CDYL: variants seen among roughly 807,000 people sequenced by gnomAD.
CDYL encodes the protein chromodomain Y-like protein.
In CDYL, 8 loss-of-function variants were observed where a neutral mutation model predicts 47.3. That is an observed-to-expected ratio of 0.17 (90% CI 0.10 to 0.31). The LOEUF is 0.31. Among genes scored for constraint, CDYL ranks in the 10% least tolerant of loss-of-function variants. The pLI is 1.00. For missense variants in CDYL, 471 were observed against 701.4 expected (o/e 0.67, Z 3.71); for synonymous variants, 266 against 265.0 (o/e 1.00, Z -0.04).
chr6:4,905,932 C>A (rs546754670), intron 2 of CDYL, among the ~76,000 whole-genome samples: 5 of 152,240 alleles, frequency 3.3e-5, no homozygotes, highest in Non-Finnish European at 7.3e-5. Context: ...TAATTTCTTA[C>A]ATAGGACCTT....
chr6:4,737,297 C>A (rs772663728), intron 3 of CDYL, among the ~76,000 whole-genome samples: 3 of 151,962 alleles, frequency 2.0e-5, no homozygotes, highest in Admixed American at 6.6e-5. Context: ...ACTACACACA[C>A]AAAAAAAGAT....
At chr6:4,869,723 A>G (rs949546978) in intron 1 of CDYL, among the ~76,000 whole-genome samples, 17 of 152,258 alleles carry the variant, frequency 1.1e-4, no homozygotes, top group Admixed American at 9.1e-4. Flanking sequence ...TTTACTTTGT[A>G]TCTCTCCATC....
At chr6:4,826,222 T>C (rs184405223) in intron 1 of CDYL, among the ~76,000 whole-genome samples, 1 of 152,348 alleles carries the variant, frequency 6.6e-6, no homozygotes, top group Admixed American at 6.5e-5. Context: ...TCACCTTTAT[T>C]TCTAATTTTA....
At chr6:4,794,383 T>C (rs1171796321) in intron 1 of CDYL, among the ~76,000 whole-genome samples, 1 of 152,092 alleles carries the variant, frequency 6.6e-6, no homozygotes, top group East Asian at 1.9e-4. Context: ...AGCAGCTCTT[T>C]CAGTGGAGTA....
intron 2 of CDYL, among the ~76,000 whole-genome samples, chr6:4,721,122 T>C (rs1438287954): frequency 6.6e-6 from 1 of 152,218 alleles, no homozygotes; most frequent in Non-Finnish European, 1.5e-5. Context: ...TCAATATCTT[T>C]CTATTTCTCA....
At chr6:4,728,240 T>C (rs1757548531) in intron 2 of CDYL, among the ~76,000 whole-genome samples, 1 of 152,258 alleles carries the variant, frequency 6.6e-6, no homozygotes, top group South Asian at 2.1e-4. Flanking sequence ...AGCCGTAGGC[T>C]GATCCACATC....
chr6:4,829,400 C>G (rs1049142623), intron 1 of CDYL, among the ~76,000 whole-genome samples: 12 of 152,128 alleles, frequency 7.9e-5, no homozygotes, highest in Non-Finnish European at 1.5e-4. Context: ...TGGAGCTAAG[C>G]AAACAAAACA....
intron 2 of CDYL, among the ~76,000 whole-genome samples, chr6:4,723,046 A>C (rs1757401543): frequency 6.6e-6 from 1 of 152,228 alleles, no homozygotes; most frequent in Admixed American, 6.5e-5. Flanking sequence ...TATAAAGTAC[A>C]GGCAGCCCTT....
chr6:4,933,717 G>C (rs1356466394), intron 2 of CDYL, among the ~76,000 whole-genome samples: 1 of 152,220 alleles, frequency 6.6e-6, no homozygotes, highest in Non-Finnish European at 1.5e-5. Context: ...CACCTTTGCT[G>C]ACTGGTAACA....
At position 4,803,004 on chromosome 6, in the gene CDYL, A is replaced by G. The variant is rs368132217; in HGVS notation, c.24+26197A>G. Among the ~76,000 whole-genome samples, 93 of 151,892 alleles carry G rather than the reference A, an allele frequency of 6.1e-4. 1 individual carries two copies. Among genetic ancestry groups the G allele is most frequent in the African/African-American group, 2.2e-3 (90 of 41,414 alleles). On this transcript the variant is annotated intron_variant, in intron 1 of 6. Coordinates refer to ENST00000397588, the MANE Select transcript of CDYL (RefSeq NM_004824.4). Reference sequence around the variant, plus strand: ...CTTTCCATTGCGTCCCCCACCCCACACTATCCCTTTCCTGCTCCATTGCTG... The same window carrying G: ...CTTTCCATTGCGTCCCCCACCCCACGCTATCCCTTTCCTGCTCCATTGCTG...
chr6:4,709,161 T>G (rs1169226802), intron 1 of CDYL, among the ~76,000 whole-genome samples: 2 of 152,162 alleles, frequency 1.3e-5, no homozygotes, highest in Non-Finnish European at 2.9e-5. Flanking sequence ...TAAGGCTGTT[T>G]GTCACTATGC....
rs368265442 is a variant in CDYL at position 4,807,039 on chromosome 6, C to T, written c.24+30232C>T. Among the ~76,000 whole-genome samples, 129 of 152,194 alleles carry T rather than the reference C, an allele frequency of 8.5e-4. 1 individual carries two copies. The highest frequency in any genetic ancestry group is 2.6e-3 in the African/African-American group (108 of 41,450). On this transcript the variant is annotated intron_variant, in intron 1 of 6. Transcript: ENST00000397588. ...GTCCTCACACGCTCTTTCCTCTGTG[C>T]GTGCGTGCACCGGTGTCTGTGTGTG...
exon 3 of CDYL, chr6:4,734,836 G>A (rs773840585): frequency 8.1e-6 from 13 of 1,613,936 alleles, no homozygotes; most frequent in South Asian, 3.3e-5. Flanking sequence ...GCAGCCTCCC[G>A]CTTTACAGGT....
At chr6:4,724,326 T>C (rs1582282296) in intron 2 of CDYL, 1 of 152,122 alleles carries the variant, frequency 6.6e-6, no homozygotes, top group Non-Finnish European at 1.5e-5. Flanking sequence ...GATGGGATTA[T>C]AGACGTGAGC....
At chr6:4,833,823 T>A (rs1019835836) in intron 1 of CDYL, among the ~76,000 whole-genome samples, 3 of 152,002 alleles carry the variant, frequency 2.0e-5, no homozygotes, top group African/African-American at 7.3e-5. Flanking sequence ...TTTACCATTA[T>A]GTAATGGCCT....
At chr6:4,900,550 C>A (rs1393148648) in intron 2 of CDYL, among the ~76,000 whole-genome samples, 1 of 151,522 alleles carries the variant, frequency 6.6e-6, no homozygotes. Context: ...AAACACAAGG[C>A]CTGTAATTGA....
intron 1 of CDYL, among the ~76,000 whole-genome samples, chr6:4,870,126 G>A (rs994434468): frequency 2.6e-5 from 4 of 152,124 alleles, no homozygotes; most frequent in African/African-American, 9.7e-5. Context: ...GTGCAGTGGT[G>A]TGATCATAGC....
chr6:4,752,301 A>G lies in CDYL; in HGVS notation c.186+17457A>G, dbSNP rs531533556. ...CCCAAGATGAATGTTGTGAAGGGCA[A>G]TGAGGGGGTTGTGAGTGCCTCCAAA... On this transcript the variant is annotated intron_variant, in intron 3 of 8. Transcript: ENST00000328908. Among the ~76,000 whole-genome samples, 6 of 152,252 alleles carry G rather than the reference A, an allele frequency of 3.9e-5. No homozygotes were observed. In the East Asian group the frequency reaches 1.2e-3, roughly 29 times the overall value.
chr6:4,905,611 A>C (rs1346191787), intron 2 of CDYL, among the ~76,000 whole-genome samples: 1 of 152,218 alleles, frequency 6.6e-6, no homozygotes, highest in Non-Finnish European at 1.5e-5. Context: ...GAATTACACC[A>C]GTGAAGCCGT....
Sources: gnomAD v4.1 joint callset for allele counts (sites outside exome capture counted in the v4.1 genomes callset) on GRCh38, gnomAD v4.1.1 for gene constraint, MANE v1.5 for transcripts, NCBI Gene and HGNC (gene_info 2026-07-23, HGNC 2026-07-21) for gene names.